The following LUC7L2 variants were observed in gnomAD, a reference collection of about 807,000 sequenced individuals.
LUC7L2 encodes LUC7 like 2, pre-mRNA splicing factor.
In LUC7L2, 25 loss-of-function variants were observed where a neutral mutation model predicts 52.8. The observed-to-expected ratio is 0.47, with a 90% CI of 0.34 to 0.66. The LOEUF is 0.66. LUC7L2 is among the 30% of genes least tolerant of loss of function. The pLI is 0.01. For missense variants in LUC7L2, 328 were observed against 497.8 expected, an observed-to-expected ratio of 0.66 and a Z score of 3.25; for synonymous variants, 144 against 160.9, an observed-to-expected ratio of 0.89 and a Z score of 0.80.
intron 2 of LUC7L2, among the ~76,000 whole-genome samples, chr7:139,397,019 T>C (rs2131271009): frequency 6.6e-6 from 1 of 152,310 alleles, no homozygotes; most frequent in East Asian, 1.9e-4. Context: ...TTAATTATCA[T>C]ACGTTTGTTT....
chr7:139,403,067 A>G (rs973570169), intron 4 of LUC7L2, among the ~76,000 whole-genome samples: 6 of 152,206 alleles, frequency 3.9e-5, no homozygotes, highest in Non-Finnish European at 8.8e-5. Context: ...TTCATTCCAT[A>G]TAACTTTCTT....
chr7:139,352,318 C>G (rs1194531462), intron 1 of LUC7L2, among the ~76,000 whole-genome samples: 1 of 151,916 alleles, frequency 6.6e-6, no homozygotes, highest in Non-Finnish European at 1.5e-5. Context: ...AAGGAGACAC[C>G]TTCTCTACAA....
intron 2 of LUC7L2, among the ~76,000 whole-genome samples, chr7:139,395,171 T>G (rs145175899): frequency 6.6e-6 from 1 of 152,352 alleles, no homozygotes; most frequent in African/African-American, 2.4e-5. Flanking sequence ...GCGTGATTGA[T>G]GTTTAGAAAT....
Position 139,423,079 on chromosome 7 carries a change from T to TTG in LUC7L2, c.*748_*749dup. On this transcript the variant is annotated 3_prime_UTR_variant, in exon 10 of 10. Coordinates refer to ENST00000354926, the MANE Select transcript of LUC7L2 (RefSeq NM_016019.5). ...TTTCGTAATAAGCACTTGTTTTATT[T>TTG]TGTGTGTGTGGAGTATAAAGGCTAC... 1 of 398,976 alleles carries TTG rather than the reference T, an allele frequency of 2.5e-6. No individual in the cohort carries two copies. Among genetic ancestry groups the TTG allele is most frequent in the Non-Finnish European group, 4.4e-6 (1 of 226,078 alleles). 24.7% of individuals were successfully genotyped at this position (398,976 alleles called of 1,614,324 possible).
At chr7:139,393,403 C>G (rs1794529939) in intron 2 of LUC7L2, among the ~76,000 whole-genome samples, 1 of 152,058 alleles carries the variant, frequency 6.6e-6, no homozygotes, top group South Asian at 2.1e-4. Context: ...GTACTCCAGA[C>G]TGGGGGACAG....
chr7:139,374,742 A>T (rs1421586191), intron 1 of LUC7L2: 1 of 1,265,940 alleles, frequency 7.9e-7, no homozygotes, highest in Admixed American at 3.7e-5. Flanking sequence ...TTTTAAAAAT[A>T]TCTTTAACCA....
At chr7:139,379,184 C>T (rs970259550) in intron 2 of LUC7L2, among the ~76,000 whole-genome samples, 3 of 151,984 alleles carry the variant, frequency 2.0e-5, no homozygotes, top group Admixed American at 6.6e-5. Context: ...TATGATTTAC[C>T]AGTATTTTAG....
intron 1 of LUC7L2, among the ~76,000 whole-genome samples, chr7:139,361,900 G>T (rs1260746432): frequency 6.6e-6 from 1 of 152,094 alleles, no homozygotes; most frequent in Non-Finnish European, 1.5e-5. Context: ...ACCATTTTTG[G>T]GATCTTCTTC....
chr7:139,344,695 CTTTTTTTTTTTTTT>C (rs1026301999), intron 1 of LUC7L2, among the ~76,000 whole-genome samples: 1 of 116,362 alleles, frequency 8.6e-6, no homozygotes, highest in African/African-American at 3.1e-5. Flanking sequence ...AATTTTCTTT[CTTTTTTTTTTTTTT>C]TTTTTTTTGT....
chr7:139,418,044 G>A (rs1462954346), intron 9 of LUC7L2, among the ~76,000 whole-genome samples: 2 of 152,174 alleles, frequency 1.3e-5, no homozygotes, highest in Non-Finnish European at 2.9e-5. Context: ...CCTTAGTATG[G>A]ATCAGCAAAT....
chr7:139,408,569 C>G (rs1025722304), intron 6 of LUC7L2, among the ~76,000 whole-genome samples: 2 of 152,146 alleles, frequency 1.3e-5, no homozygotes, highest in African/African-American at 4.8e-5. Context: ...AAAGGCTAGG[C>G]GCAGTGGCTC....
intron 3 of LUC7L2, among the ~76,000 whole-genome samples, chr7:139,401,889 A>T (rs1195497581): frequency 6.6e-6 from 1 of 151,510 alleles, no homozygotes; most frequent in East Asian, 1.9e-4. Flanking sequence ...CGAGAAGCTG[A>T]GACTACAGGT....
intron 1 of LUC7L2, among the ~76,000 whole-genome samples, chr7:139,371,791 G>C (rs1287982216): frequency 6.6e-6 from 1 of 152,106 alleles, no homozygotes; most frequent in Non-Finnish European, 1.5e-5. Flanking sequence ...ATTTAGAGAG[G>C]AGGCCTCTTT....
chr7:139,391,603 G>T (rs1364234336), intron 2 of LUC7L2, among the ~76,000 whole-genome samples: 1 of 150,032 alleles, frequency 6.7e-6, no homozygotes, highest in Non-Finnish European at 1.5e-5. Context: ...TTTTTTTGGT[G>T]GGGGGGACAG....
At chr7:139,360,420 T>A in intron 1 of LUC7L2, 98 bp downstream of exon 1, 4 of 1,137,520 alleles carry the variant, frequency 3.5e-6, no homozygotes, top group Non-Finnish European at 5.0e-6. Context: ...TGTGGCTGAG[T>A]AAGGGGCTCC....
At chr7:139,358,880 C>T (rs893370492), upstream of LUC7L2, among the ~76,000 whole-genome samples, 6 of 152,152 alleles carry the variant, frequency 3.9e-5, no homozygotes, top group African/African-American at 1.4e-4. Flanking sequence ...AGGGTTTCAC[C>T]ATGTTGGCCA....
chr7:139,397,687 C>T (rs1794723144), intron 2 of LUC7L2, among the ~76,000 whole-genome samples: 1 of 152,070 alleles, frequency 6.6e-6, no homozygotes. Context: ...CTCATATTTT[C>T]CCCCAAAAAA....
intron 1 of LUC7L2, chr7:139,374,744 C>G: frequency 7.9e-7 from 1 of 1,261,332 alleles, no homozygotes; most frequent in Non-Finnish European, 1.0e-6. Context: ...TTAAAAATAT[C>G]TTTAACCACG....
chr7:139,370,680 C>T (rs1355648652), intron 1 of LUC7L2, among the ~76,000 whole-genome samples: 1 of 152,170 alleles, frequency 6.6e-6, no homozygotes, highest in African/African-American at 2.4e-5. Flanking sequence ...GCCTTGAACT[C>T]CTGACCGCAG....
Sources: allele counts gnomAD v4.1 joint callset (sites outside exome capture counted in the v4.1 genomes callset), GRCh38; gene constraint gnomAD v4.1.1; transcripts MANE v1.5; gene names NCBI Gene and HGNC (gene_info 2026-07-23, HGNC 2026-07-21).